ZFHX3: variants seen among roughly 807,000 people sequenced by gnomAD.
ZFHX3 encodes zinc finger homeobox 3.
Under a neutral mutation model 279.1 loss-of-function variants are expected in ZFHX3, and 42 were observed. The observed-to-expected ratio is 0.15, with a 90% confidence interval of 0.12 to 0.19. ZFHX3 has a LOEUF of 0.19. ZFHX3 is among the 10% of genes least tolerant of loss of function. ZFHX3 has a pLI of 1.00. For missense variants in ZFHX3, 4,981 were observed against 4,754.0 expected (o/e 1.05, Z -1.40); for synonymous variants, 2,293 against 1,957.8 (o/e 1.17, Z -4.52).
At chr16:73,561,819 CG>C (rs2020373852) in intron 2 of ZFHX3, among the ~76,000 whole-genome samples, 1 of 151,766 alleles carries the variant, frequency 6.6e-6, no homozygotes, top group Non-Finnish European at 1.5e-5. Context: ...TTAATTGTTC[CG>C]GGCCCTCATA....
At chr16:73,720,255 C>A (rs763437287) in intron 1 of ZFHX3, among the ~76,000 whole-genome samples, 2 of 152,172 alleles carry the variant, frequency 1.3e-5, no homozygotes, top group Non-Finnish European at 2.9e-5. Flanking sequence ...GAGTGACAAT[C>A]TGGCAACATT....
intron 1 of ZFHX3, among the ~76,000 whole-genome samples, chr16:73,686,563 G>A (rs2053086493): frequency 1.3e-5 from 2 of 152,204 alleles, no homozygotes; most frequent in African/African-American, 4.8e-5. Context: ...CATGCTCAGA[G>A]AAGTCAAGAG....
At chr16:72,930,484 A>G (rs1597387686) in intron 3 of ZFHX3, among the ~76,000 whole-genome samples, 1 of 152,178 alleles carries the variant, frequency 6.6e-6, no homozygotes, top group African/African-American at 2.4e-5. Context: ...GACAGATTTT[A>G]TAAGTGCAAA....
At chr16:73,760,592 C>G (rs1252963526) in intron 1 of ZFHX3, among the ~76,000 whole-genome samples, 1 of 152,014 alleles carries the variant, frequency 6.6e-6, no homozygotes, top group African/African-American at 2.4e-5. Flanking sequence ...ACTGAAAGAC[C>G]AAATCTAGCA....
At chr16:73,748,975 A>G (rs940151215) in intron 1 of ZFHX3, among the ~76,000 whole-genome samples, 2 of 151,952 alleles carry the variant, frequency 1.3e-5, no homozygotes, top group African/African-American at 4.8e-5. Flanking sequence ...TTTAGTAGAG[A>G]CAGGGTTTCA....
At chr16:73,078,451 C>T (rs1301301992) in intron 8 of ZFHX3, among the ~76,000 whole-genome samples, 1 of 152,074 alleles carries the variant, frequency 6.6e-6, no homozygotes, top group Admixed American at 6.6e-5. Context: ...TGTTTAAAGG[C>T]TCTGGAAGCA....
At chr16:73,530,550 A>T (rs1256631193) in intron 2 of ZFHX3, among the ~76,000 whole-genome samples, 8 of 152,184 alleles carry the variant, frequency 5.3e-5, no homozygotes, top group Admixed American at 3.3e-4. Flanking sequence ...TAATATACTT[A>T]TGAAGCTCCC....
chr16:73,073,372 A>G (rs1965848058), intron 8 of ZFHX3, among the ~76,000 whole-genome samples: 1 of 152,232 alleles, frequency 6.6e-6, no homozygotes, highest in African/African-American at 2.4e-5. Context: ...ATGTCTCTCC[A>G]GGATCAACAG....
chr16:73,174,266 AAACAAC>A (rs140975222), intron 5 of ZFHX3, among the ~76,000 whole-genome samples: 27,649 of 148,968 alleles, frequency 0.19, 2,866 homozygotes, highest in African/African-American at 0.27. Flanking sequence ...TGTTCACACA[AAACAAC>A]AACAACAACA....
chr16:73,147,892 C>A (rs531085796), intron 5 of ZFHX3, among the ~76,000 whole-genome samples: 1 of 152,056 alleles, frequency 6.6e-6, no homozygotes, highest in Admixed American at 6.6e-5. Context: ...ATAAAAAAAC[C>A]CATAGCCCGG....
intron 1 of ZFHX3, among the ~76,000 whole-genome samples, chr16:72,973,094 A>G (rs1033146383): frequency 6.6e-6 from 1 of 152,166 alleles, no homozygotes. Context: ...TGGCACTTGA[A>G]TATGTGTCTC....
chr16:73,875,980 T>G (rs1210411403), intron 1 of ZFHX3, among the ~76,000 whole-genome samples: 2 of 152,222 alleles, frequency 1.3e-5, no homozygotes. Flanking sequence ...GCCTTTCCAT[T>G]CCTTCTTAGC....
chr16:73,112,778 A>C (rs1279970949), intron 7 of ZFHX3, among the ~76,000 whole-genome samples: 1 of 149,498 alleles, frequency 6.7e-6, no homozygotes, highest in Non-Finnish European at 1.5e-5. Flanking sequence ...AGAAAGGGGA[A>C]GGTTAGTGAA....
At chr16:73,881,231 C>A (rs57720514) in intron 1 of ZFHX3, among the ~76,000 whole-genome samples, 1 of 152,086 alleles carries the variant, frequency 6.6e-6, no homozygotes, top group African/African-American at 2.4e-5. Context: ...AACAAGGAAC[C>A]ATTTTCACAT....
At chr16:73,001,035 T>G (rs916767429) in intron 1 of ZFHX3, among the ~76,000 whole-genome samples, 1 of 152,058 alleles carries the variant, frequency 6.6e-6, no homozygotes, top group South Asian at 2.1e-4. Flanking sequence ...CCCTTGGGAG[T>G]GAGCAATACA....
intron 5 of ZFHX3, among the ~76,000 whole-genome samples, chr16:73,190,946 A>G (rs1968018778): frequency 6.6e-6 from 1 of 152,034 alleles, no homozygotes; most frequent in African/African-American, 2.4e-5. Flanking sequence ...GGAATTTGAA[A>G]TAATCATTGG....
intron 2 of ZFHX3, among the ~76,000 whole-genome samples, chr16:73,585,059 A>G (rs2051909922): frequency 2.0e-5 from 3 of 152,236 alleles, no homozygotes; most frequent in Non-Finnish European, 4.4e-5. Context: ...GGCAATTATT[A>G]AAAAGTCAAG....
intron 2 of ZFHX3, among the ~76,000 whole-genome samples, chr16:73,464,514 G>C (rs1358587533): frequency 6.8e-6 from 1 of 146,906 alleles, no homozygotes; most frequent in Non-Finnish European, 1.5e-5. Context: ...TCCAGCCCTG[G>C]GCAGACAGTG....
In ZFHX3 at chr16:73,093,953, G is replaced by A. The variant is rs956148926; in HGVS notation, c.-896-355C>T. 2.0e-5 allele frequency among the ~76,000 whole-genome samples: 3 copies of A among 152,278 alleles called. No homozygotes were observed. In the East Asian group the frequency reaches 5.8e-4, roughly 29 times the overall value. Reference sequence around the variant, plus strand: ...GCAGGGATGTAGCCGGCATGGCACGGGTGAGTCCTGGCCCTGCTCCTGGCT... The same window carrying A: ...GCAGGGATGTAGCCGGCATGGCACGAGTGAGTCCTGGCCCTGCTCCTGGCT... On this transcript the variant is annotated intron_variant, in intron 7 of 17. Transcript: ENST00000641206.
Sources: allele counts gnomAD v4.1 joint callset (sites outside exome capture counted in the v4.1 genomes callset), GRCh38; gene constraint gnomAD v4.1.1; transcripts MANE v1.5; gene names NCBI Gene and HGNC (gene_info 2026-07-23, HGNC 2026-07-21).